MS4A4E: variants seen among roughly 807,000 people sequenced by gnomAD.
MS4A4E encodes putative membrane-spanning 4-domains subfamily A member 4E.
A neutral mutation model predicts 13.3 loss-of-function variants in MS4A4E; 23 were observed. The observed-to-expected ratio is 1.73, with a 90% CI of 1.25 to 2.45. The LOEUF (loss-of-function observed/expected upper bound fraction) is 2.45, where lower values mean the gene tolerates loss of function less well. Among genes scored for constraint, MS4A4E ranks in the 30% most tolerant of loss-of-function variants. The pLI is 0.00. For missense variants in MS4A4E, 144 were observed against 131.2 expected, an observed-to-expected ratio of 1.10 and a Z score of -0.48; for synonymous variants, 36 against 45.6, an observed-to-expected ratio of 0.79 and a Z score of 0.85.
rs1297362596 is a variant in MS4A4E, at chr11:60,200,645, T to C, written c.*898A>G. Among the ~76,000 whole-genome samples the C allele has an allele frequency of 6.6e-6, 1 of 152,176 alleles. No individual in the cohort carries two copies. Among genetic ancestry groups the C allele is most frequent in the African/African-American group, 2.4e-5 (1 of 41,448 alleles). ...TCAACAGGATCCCAAGGCAGAAGAA[T>C]TTTTCTTAGTACAGAACAAAATGAA... On this transcript the variant is annotated 3_prime_UTR_variant, in exon 9 of 9. Coordinates refer to ENST00000651255, the MANE Select transcript of MS4A4E (RefSeq NM_001393391.1).
intron 3 of MS4A4E, chr11:60,225,083 A>G: frequency 6.4e-7 from 1 of 1,553,994 alleles, no homozygotes; most frequent in Non-Finnish European, 8.7e-7. Context: ...GGCAATCAGA[A>G]TCCGCACAAC....
At chr11:60,213,315 A>G (rs2084149025) in intron 4 of MS4A4E, 183 bp from the exon 5 acceptor site, 1 of 1,534,604 alleles carries the variant, frequency 6.5e-7, no homozygotes, top group African/African-American at 1.4e-5. Context: ...TCTCCAGCTT[A>G]AATTCTTCAG....
chr11:60,203,924 C>T (rs1301325643), intron 8 of MS4A4E, among the ~76,000 whole-genome samples: 2 of 152,150 alleles, frequency 1.3e-5, no homozygotes, highest in Non-Finnish European at 2.9e-5. Context: ...ATAAATGAGG[C>T]AGCCTTCTCT....
In MS4A4E at chr11:60,210,882, G is replaced by A. The variant is rs191291063; in HGVS notation, c.381+2092C>T. Among the ~76,000 whole-genome samples the A allele has an allele frequency of 4.8e-3, 733 of 152,328 alleles. 25 individuals are homozygous for A. The highest frequency in any genetic ancestry group is 7.4e-4 in the Non-Finnish European group (50 of 68,022). ...TTAATAGGAATTCATCATGACCTCT[G>A]GGAAAGGTGATTGAGATGAATGCAG... On this transcript the variant is annotated intron_variant, in intron 5 of 8. Coordinates refer to ENST00000651255, the MANE Select transcript of MS4A4E (RefSeq NM_001393391.1).
chr11:60,225,083 A>C (rs2084323945), intron 3 of MS4A4E: 1 of 1,553,994 alleles, frequency 6.4e-7, no homozygotes, highest in South Asian at 1.2e-5. Context: ...GGCAATCAGA[A>C]TCCGCACAAC....
chr11:60,232,284 A>AACACACACACACAC (rs3221531), intron 1 of MS4A4E, among the ~76,000 whole-genome samples: 11,195 of 129,972 alleles, frequency 0.086, 574 homozygotes, highest in African/African-American at 0.094. Flanking sequence ...CATCGCCATC[A>AACACACACACACAC]ACACACACAC....
At chr11:60,217,367 A>G (rs2084209884) in intron 3 of MS4A4E, among the ~76,000 whole-genome samples, 1 of 152,138 alleles carries the variant, frequency 6.6e-6, no homozygotes, top group Non-Finnish European at 1.5e-5. Context: ...GTGCGGTAGA[A>G]CCTTGATGAA....
intron 3 of MS4A4E, 79 bp from the exon 4 acceptor site, chr11:60,214,693 A>G: frequency 5.5e-6 from 5 of 904,206 alleles, no homozygotes; most frequent in Non-Finnish European, 8.3e-6. Flanking sequence ...ACAACTTAGT[A>G]AACTTTATTC....
rs895316891 is a variant in MS4A4E at position 60,200,634 on chromosome 11, A to G, written c.*909T>C. Among the ~76,000 whole-genome samples the G allele has an allele frequency of 6.6e-6, 1 of 152,210 alleles. No homozygotes were observed. The highest frequency in any genetic ancestry group is 1.5e-5 in the Non-Finnish European group (1 of 68,034). On this transcript the variant is annotated 3_prime_UTR_variant, in exon 9 of 9. Coordinates refer to ENST00000651255, the MANE Select transcript of MS4A4E (RefSeq NM_001393391.1). ...AAGGTCACAGATCAACAGGATCCCA[A>G]GGCAGAAGAATTTTTCTTAGTACAG...
intron 1 of MS4A4E, among the ~76,000 whole-genome samples, chr11:60,230,352 T>C (rs2084393456): frequency 1.3e-5 from 2 of 152,198 alleles, no homozygotes; most frequent in Non-Finnish European, 2.9e-5. Context: ...CAACTTCAAA[T>C]CCCAAGTCTG....
At chr11:60,241,118 G>A (rs2084544524) in intron 1 of MS4A4E, among the ~76,000 whole-genome samples, 2 of 152,128 alleles carry the variant, frequency 1.3e-5, no homozygotes, top group South Asian at 4.1e-4. Flanking sequence ...CCGCCTCCCG[G>A]GTTCACGCCA....
chr11:60,205,649 C>A (rs1200255941), intron 7 of MS4A4E, among the ~76,000 whole-genome samples, 65 bp downstream of exon 7: 3 of 152,030 alleles, frequency 2.0e-5, no homozygotes, highest in Non-Finnish European at 4.4e-5. Flanking sequence ...AGGTAGTAAA[C>A]AACAAAGATG....
intron 2 of MS4A4E, 145 bp from the exon 3 acceptor site, chr11:60,228,772 A>T (rs1045606533): frequency 2.2e-6 from 1 of 446,274 alleles, no homozygotes; most frequent in East Asian, 3.4e-5. Context: ...TAAATGAGCT[A>T]TTAAGCCATA....
chr11:60,221,302 G>A (rs1306423165), intron 3 of MS4A4E, among the ~76,000 whole-genome samples: 2 of 152,174 alleles, frequency 1.3e-5, no homozygotes, highest in Non-Finnish European at 2.9e-5. Flanking sequence ...AATGGAAGTG[G>A]CATATATGTG....
At chr11:60,225,656 C>T (rs1274677093) in intron 3 of MS4A4E, among the ~76,000 whole-genome samples, 8 of 151,842 alleles carry the variant, frequency 5.3e-5, no homozygotes, top group Admixed American at 5.2e-4. Context: ...GTAGTGAAAG[C>T]AGTGCTTAGA....
In MS4A4E at chr11:60,200,747, C is replaced by G. The variant is rs906514094; in HGVS notation, c.*796G>C. On this transcript the variant is annotated 3_prime_UTR_variant, in exon 9 of 9. Transcript: ENST00000651255. ...CTCAATCTTTTCCCCACCTTTCCCCCCTTTCTATTCCACAAAACCGCCATT... is the reference window on the plus strand; with the variant it reads ...CTCAATCTTTTCCCCACCTTTCCCCGCTTTCTATTCCACAAAACCGCCATT... Among the ~76,000 whole-genome samples, 6 of 152,278 alleles carry G rather than the reference C, an allele frequency of 3.9e-5. No individual in the cohort carries two copies. Among genetic ancestry groups the G allele is most frequent in the South Asian group, 2.1e-4 (1 of 4,836 alleles).
chr11:60,224,351 A>G (rs1164170289), intron 3 of MS4A4E, among the ~76,000 whole-genome samples: 1 of 152,238 alleles, frequency 6.6e-6, no homozygotes, highest in East Asian at 1.9e-4. Flanking sequence ...TTTGATAGTC[A>G]GTAGACTCTA....
chr11:60,218,357 A>G (rs1457693177), intron 3 of MS4A4E, among the ~76,000 whole-genome samples: 1 of 151,996 alleles, frequency 6.6e-6, no homozygotes, highest in African/African-American at 2.4e-5. Flanking sequence ...GTGATATTCT[A>G]TTACCTTGTA....
intron 5 of MS4A4E, among the ~76,000 whole-genome samples, chr11:60,212,122 C>T (rs1250007226): frequency 1.3e-5 from 2 of 151,860 alleles, no homozygotes; most frequent in South Asian, 2.1e-4. Context: ...GAAATAAGGA[C>T]AACTGGTACA....
Sources: gnomAD v4.1 joint callset for allele counts (sites outside exome capture counted in the v4.1 genomes callset) on GRCh38, gnomAD v4.1.1 for gene constraint, MANE v1.5 for transcripts, NCBI Gene and HGNC (gene_info 2026-07-23, HGNC 2026-07-21) for gene names.